KMT2A: variants seen among roughly 807,000 people sequenced by gnomAD.
The protein encoded by KMT2A is histone-lysine N-methyltransferase 2A.
A neutral mutation model predicts 345.3 loss-of-function variants in KMT2A; 16 were observed. That is an observed-to-expected ratio of 0.05 (90% CI 0.03 to 0.07). KMT2A has a LOEUF of 0.07. KMT2A is among the 10% of genes least tolerant of loss of function. KMT2A has a pLI of 1.00. For missense variants in KMT2A, 3,272 were observed against 4,841.6 expected, an observed-to-expected ratio of 0.68 and a Z score of 9.62; for synonymous variants, 1,599 against 1,778.6, an observed-to-expected ratio of 0.90 and a Z score of 2.54.
Position 118,476,053 on chromosome 11 carries a change from G to T in KMT2A, c.3157-752G>T, listed in dbSNP as rs1235932901. 6.6e-6 allele frequency among the ~76,000 whole-genome samples: 1 copy of T among 152,036 alleles called. No individual in the cohort carries two copies. The highest frequency in any genetic ancestry group is 1.5e-5 in the Non-Finnish European group (1 of 68,014). On this transcript the variant is annotated intron_variant, in intron 3 of 35. Transcript: ENST00000534358. The surrounding 1 kb of genome is among the most constrained non-coding windows in gnomAD (Gnocchi z 4.1). ...CCCAAGTAGCTGGGATTACGGGCAT[G>T]CACCACCACGCCCAGCTAATTTTGT...
At position 118,505,619 on chromosome 11, in the gene KMT2A, C is replaced by T. The variant is rs2134407527; in HGVS notation, c.9727C>T (p.Pro3243Ser). ...KNKKLAPSST[P>S]SNIAPSDVVS... Reference sequence around the variant, plus strand: ...TAAAAAACTTGCTCCCTCTAGTACCCCTTCAAACATTGCCCCTTCTGATGT... The same window carrying T: ...TAAAAAACTTGCTCCCTCTAGTACCTCTTCAAACATTGCCCCTTCTGATGT... The change falls in exon 27 of 36, where the codon CCT (proline) becomes TCT (serine). Residue 3243 changes from proline to serine, a missense_variant. Transcript: ENST00000534358. The surrounding 1 kb of genome is among the most constrained non-coding windows in gnomAD (Gnocchi z 4.6). 1.2e-6 allele frequency: 2 copies of T among 1,614,138 alleles called. No homozygotes were observed. Among genetic ancestry groups the T allele is most frequent in the Non-Finnish European group, 1.7e-6 (2 of 1,180,004 alleles).
Position 118,522,316 on chromosome 11 carries a change from T to C in KMT2A, c.*144T>C, listed in dbSNP as rs1453712145. The C allele has an allele frequency of 2.9e-6, 2 of 696,130 alleles. No individual in the cohort carries two copies. Among genetic ancestry groups the C allele is most frequent in the Admixed American group, 5.6e-5 (2 of 35,862 alleles). 43.1% of individuals were successfully genotyped at this position (696,130 alleles called of 1,614,324 possible). ...GTGATGGCTGAGCTCTCTTATGTCCTATACTCACATCAGACATGTGATCAT... is the reference window on the plus strand; with the variant it reads ...GTGATGGCTGAGCTCTCTTATGTCCCATACTCACATCAGACATGTGATCAT... On this transcript the variant is annotated 3_prime_UTR_variant, in exon 36 of 36. Coordinates refer to ENST00000534358, the MANE Select transcript of KMT2A (RefSeq NM_001197104.2). The surrounding 1 kb of genome is among the most constrained non-coding windows in gnomAD (Gnocchi z 5.4).
At chr11:118,466,288 C>A (rs574387) in intron 1 of KMT2A, among the ~76,000 whole-genome samples, 105,543 of 151,940 alleles carry the variant, frequency 0.69, 39,197 homozygotes, top group Admixed American at 0.83. Context: ...CGTGATCACA[C>A]CACTGCAGTA....
chr11:118,461,822 A>G (rs1454447706), intron 1 of KMT2A, among the ~76,000 whole-genome samples: 1 of 152,224 alleles, frequency 6.6e-6, no homozygotes, highest in Non-Finnish European at 1.5e-5. Flanking sequence ...ATCCTTGGGA[A>G]GCCAACACTC....
At position 118,499,410 on chromosome 11, in the gene KMT2A, C is replaced by T. The variant is rs1555045005; in HGVS notation, c.6069C>T (p.His2023=). ...ATGGCTTGGAACCAGAAAATATCCA[C>T]ATGATGATTGGTATGACCTAGCCTT... The part of the protein sequence containing the change: ...FLNGLEPENI[H]MMIGSMTIDC... The change falls in exon 23 of 36, where the codon CAC becomes CAT. Residue 2023 remains histidine, a synonymous_variant. Coordinates refer to ENST00000534358, the MANE Select transcript of KMT2A (RefSeq NM_001197104.2). 1 of 1,580,706 alleles carries T rather than the reference C, an allele frequency of 6.3e-7. No homozygotes were observed. Among genetic ancestry groups the T allele is most frequent in the Non-Finnish European group, 8.7e-7 (1 of 1,155,634 alleles).
At chr11:118,468,054 T>TAAAAA (rs1949878657) in intron 1 of KMT2A, among the ~76,000 whole-genome samples, 1 of 152,122 alleles carries the variant, frequency 6.6e-6, no homozygotes, top group Non-Finnish European at 1.5e-5. Flanking sequence ...AGCAGAAGCT[T>TAAAAA]TTGCTTTTTG....
intron 10 of KMT2A, among the ~76,000 whole-genome samples, chr11:118,488,148 C>G (rs1490033748): frequency 6.6e-6 from 1 of 151,980 alleles, no homozygotes; most frequent in Non-Finnish European, 1.5e-5. Flanking sequence ...CCACTGCACC[C>G]CAGCCTGGGC....
intron 1 of KMT2A, chr11:118,449,905 G>A (rs1320099676): frequency 6.6e-6 from 1 of 152,040 alleles, no homozygotes; most frequent in African/African-American, 2.4e-5. Flanking sequence ...AGTTGAATGA[G>A]CATGTAGCTC....
Position 118,437,684 on chromosome 11 carries a change from C to T in KMT2A, c.432+740C>T, listed in dbSNP as rs568443458. Among the ~76,000 whole-genome samples the T allele has an allele frequency of 2.6e-5, 4 of 151,578 alleles. No homozygotes were observed. In the East Asian group the frequency reaches 5.8e-4, roughly 22 times the overall value. On this transcript the variant is annotated intron_variant, in intron 1 of 35. Coordinates refer to ENST00000534358, the MANE Select transcript of KMT2A (RefSeq NM_001197104.2). ...TCATACAGCAGTCTCTTCCCCCCCC[C>T]GCCCCGTCTTACAGGGCTACAGTTT...
rs1950525494 is a variant in KMT2A, at chr11:118,503,003, C to T, written c.7111C>T (p.Pro2371Ser). The change falls in exon 27 of 36, where the codon CCA (proline) becomes TCA (serine). Residue 2371 changes from proline (P) to serine (S), a missense_variant. By Grantham distance (74) the Pro-to-Ser change is moderately conservative. Transcript: ENST00000534358. This position sits in a 1 kb window ranked among gnomAD's most constrained non-coding sequence, Gnocchi z 5.3. ...SFSSKEALSFPHLHLRGQRND... is the reference protein window; with the variant it reads ...SFSSKEALSFSHLHLRGQRND... Reference sequence around the variant, plus strand: ...TTCTTCTAAAGAGGCCCTCTCCTTCCCACACCTCCATTTGAGAGGGCAAAG... The same window carrying T: ...TTCTTCTAAAGAGGCCCTCTCCTTCTCACACCTCCATTTGAGAGGGCAAAG... The T allele has an allele frequency of 3.1e-6, 5 of 1,613,912 alleles. No individual in the cohort carries two copies. The highest frequency in any genetic ancestry group is 2.2e-5 in the East Asian group (1 of 44,906).
chr11:118,509,531 AC>A (rs1438125879), intron 29 of KMT2A, among the ~76,000 whole-genome samples: 1 of 152,166 alleles, frequency 6.6e-6, no homozygotes, highest in Non-Finnish European at 1.5e-5. Flanking sequence ...AAAACTAAGA[AC>A]CATTTTTATT....
intron 1 of KMT2A, among the ~76,000 whole-genome samples, chr11:118,452,560 A>T (rs1346471180): frequency 2.0e-5 from 3 of 152,110 alleles, no homozygotes; most frequent in Non-Finnish European, 4.4e-5. Context: ...CCTCCTGTTA[A>T]AATGGAACTT....
chr11:118,505,590 A>C lies in KMT2A; in HGVS notation c.9698A>C (p.Lys3233Thr). ...CCCATATCTCGTCTACAGACCCGAAAGAATAAAAAACTTGCTCCCTCTAGT... is the reference window on the plus strand; with the variant it reads ...CCCATATCTCGTCTACAGACCCGAACGAATAAAAAACTTGCTCCCTCTAGT... ...KRPISRLQTR[K>T]NKKLAPSSTP... The change falls in exon 27 of 36, where the codon AAG becomes ACG. Residue 3233 changes from lysine to threonine, a missense_variant. Lys to Thr is a moderately conservative substitution (Grantham distance 78). This residue lies in a region of KMT2A where 748 missense variants were observed against 922.2 expected (regional missense o/e 0.81). Coordinates refer to ENST00000534358, the MANE Select transcript of KMT2A (RefSeq NM_001197104.2). This position sits in a 1 kb window ranked among gnomAD's most constrained non-coding sequence, Gnocchi z 4.6. The C allele has an allele frequency of 6.2e-7, 1 of 1,614,160 alleles. No homozygotes were observed. The highest frequency in any genetic ancestry group is 8.5e-7 in the Non-Finnish European group (1 of 1,180,012).
Position 118,473,664 on chromosome 11 carries a change from C to T in KMT2A, c.2505C>T (p.Leu835=), listed in dbSNP as rs782373153. The part of the protein sequence containing the change: ...EPFSSSSPTP[L]FPWFTPGSQT... ...TTTCATCAAGTAGTCCTACTCCTCT[C>T]TTCCCTTGGTTTACCCCAGGCTCTC... The change falls in exon 3 of 36, where the codon CTC becomes CTT. Residue 835 remains leucine (L), a synonymous_variant. Coordinates refer to ENST00000534358, the MANE Select transcript of KMT2A (RefSeq NM_001197104.2). The surrounding 1 kb of genome is among the most constrained non-coding windows in gnomAD (Gnocchi z 5.2). The T allele has an allele frequency of 1.9e-6, 3 of 1,614,166 alleles. No individual in the cohort carries two copies. The highest frequency in any genetic ancestry group is 2.5e-6 in the Non-Finnish European group (3 of 1,180,028).
chr11:118,465,132 C>T (rs1555033808), intron 1 of KMT2A, among the ~76,000 whole-genome samples: 1 of 152,110 alleles, frequency 6.6e-6, no homozygotes, highest in African/African-American at 2.4e-5. Context: ...GGCGGAGCAT[C>T]TAGGCTGAGG....
rs1183520668 is a variant in KMT2A at position 118,525,452 on chromosome 11, C to T, written c.*3280C>T. 1 of 228,068 alleles carries T rather than the reference C, an allele frequency of 4.4e-6. No homozygotes were observed. The allele number at this position is 228,068 out of a possible 1,614,324, so 14.1% of individuals were successfully genotyped here. A position where few individuals can be genotyped will look rare whatever the true frequency, so the allele number is the denominator to read the frequency against. On this transcript the variant is annotated 3_prime_UTR_variant, in exon 36 of 36. Coordinates refer to ENST00000534358, the MANE Select transcript of KMT2A (RefSeq NM_001197104.2). ...CTCTCGCACAGCCCCTCTGTTTTTA[C>T]ACCAATAACAAGAATTAAGGGGGAA...
At chr11:118,454,621 C>A (rs149555769) in intron 1 of KMT2A, among the ~76,000 whole-genome samples, 1 of 152,208 alleles carries the variant, frequency 6.6e-6, no homozygotes, top group East Asian at 1.9e-4. Context: ...AAAACCCATA[C>A]ATCAAAAATG....
At chr11:118,509,598 G>C (rs1481473435) in intron 29 of KMT2A, among the ~76,000 whole-genome samples, 5 of 152,112 alleles carry the variant, frequency 3.3e-5, no homozygotes, top group African/African-American at 1.2e-4. Flanking sequence ...TTTTCCATCA[G>C]TTCTAATGAA....
Position 118,495,590 on chromosome 11 carries a change from C to A in KMT2A, c.5364-110C>A. 1.4e-6 allele frequency: 1 copy of A among 725,246 alleles called. No individual in the cohort carries two copies. The highest frequency in any genetic ancestry group is 2.1e-6 in the Non-Finnish European group (1 of 465,886). 44.9% of individuals were successfully genotyped at this position (725,246 alleles called of 1,614,324 possible). ...AAACGCTGTGACTTGTTCTTATATT[C>A]TGTGAATGGCTCCTACATGGGGCAA... On this transcript the variant is annotated intron_variant, in intron 18 of 35. Coordinates refer to ENST00000534358, the MANE Select transcript of KMT2A (RefSeq NM_001197104.2). The surrounding 1 kb of genome is among the most constrained non-coding windows in gnomAD (Gnocchi z 4.1).
Sources: allele counts gnomAD v4.1 joint callset (sites outside exome capture counted in the v4.1 genomes callset), GRCh38; gene constraint gnomAD v4.1.1; regional missense constraint gnomAD v4.1.1; non-coding constraint Gnocchi (gnomAD v3.1); transcripts MANE v1.5; gene names NCBI Gene and HGNC (gene_info 2026-07-23, HGNC 2026-07-21).